DMD: variants seen among roughly 807,000 people sequenced by gnomAD.
DMD encodes mutant dystrophin.
A neutral mutation model predicts 330.1 loss-of-function variants in DMD; 63 were observed. The ratio of observed to expected loss-of-function variants is 0.19; its 90% confidence interval spans 0.16 to 0.24. DMD has a LOEUF of 0.24. DMD is among the 10% of genes least tolerant of loss of function. The pLI is 1.00. For synonymous variants in DMD, 1,223 were observed against 959.8 expected (o/e 1.27, Z -5.07); for missense variants, 3,344 against 2,684.1 (o/e 1.25, Z -5.43).
At chrX:32,745,170 G>A (rs1006302724) in intron 7 of DMD, among the ~76,000 whole-genome samples, 1 of 112,074 alleles carries the variant, frequency 8.9e-6, no homozygotes, top group Admixed American at 9.5e-5. Flanking sequence ...TAATTGGCAA[G>A]AAAGCCAGAG....
At chrX:31,645,120 G>A (rs1438883852) in intron 54 of DMD, among the ~76,000 whole-genome samples, 3 of 111,848 alleles carry the variant, frequency 2.7e-5, no homozygotes, top group Admixed American at 9.5e-5. Context: ...AAAGAAAAAC[G>A]TTATTAGCAG....
chrX:32,832,556 T>C (rs2079238827), intron 4 of DMD, among the ~76,000 whole-genome samples: 1 of 111,564 alleles, frequency 9.0e-6, no homozygotes, highest in African/African-American at 3.2e-5. Flanking sequence ...TGCCATCATG[T>C]AGCCAAGCTA....
At chrX:32,707,834 A>C (rs1052734281) in intron 7 of DMD, among the ~76,000 whole-genome samples, 1 of 111,919 alleles carries the variant, frequency 8.9e-6, no homozygotes, top group Non-Finnish European at 1.9e-5. Context: ...GTACTTTCTT[A>C]CAATTCTCTC....
At chrX:33,175,678 C>A (rs1159599011) in intron 1 of DMD, among the ~76,000 whole-genome samples, 2 of 111,560 alleles carry the variant, frequency 1.8e-5, no homozygotes, top group Non-Finnish European at 3.8e-5. Context: ...TGTGGCTTAG[C>A]CTCTTAATAG....
intron 9 of DMD, among the ~76,000 whole-genome samples, chrX:32,659,004 T>C (rs1300700385): frequency 8.9e-6 from 1 of 112,073 alleles, no homozygotes; most frequent in South Asian, 3.7e-4. Context: ...AGCGATTGTA[T>C]TGACATTCAG....
At chrX:31,699,962 C>T (rs1010905467) in intron 52 of DMD, among the ~76,000 whole-genome samples, 6 of 110,894 alleles carry the variant, frequency 5.4e-5, no homozygotes, top group Non-Finnish European at 7.6e-5. Flanking sequence ...CCGAGGTGAA[C>T]GGATCATGAG....
chrX:32,155,152 C>G (rs1188187845), intron 44 of DMD, among the ~76,000 whole-genome samples: 1 of 110,173 alleles, frequency 9.1e-6, no homozygotes, highest in African/African-American at 3.3e-5. Context: ...CTTTGATTCC[C>G]AGCTTTTTAT....
intron 44 of DMD, chrX:32,155,592 C>T (rs2096826468): frequency 5.2e-6 from 1 of 193,854 alleles, no homozygotes. Flanking sequence ...TTTCACTCCA[C>T]ACACAGTCTG....
At chrX:32,764,097 G>GTT (rs367686108) in intron 7 of DMD, among the ~76,000 whole-genome samples, 2 of 102,843 alleles carry the variant, frequency 1.9e-5, no homozygotes, top group African/African-American at 7.0e-5. Context: ...TTAAGTTGAG[G>GTT]TTTTTTTTTT....
At chrX:31,287,426 T>C (rs1396533631) in intron 62 of DMD, among the ~76,000 whole-genome samples, 3 of 112,661 alleles carry the variant, frequency 2.7e-5, no homozygotes, top group East Asian at 5.6e-4. Context: ...GCAGGCACTT[T>C]GTATAAATAC....
intron 2 of DMD, among the ~76,000 whole-genome samples, chrX:32,908,284 G>A (rs1306849651): frequency 9.0e-6 from 1 of 111,699 alleles, no homozygotes; most frequent in Non-Finnish European, 1.9e-5. Context: ...GCAGAGCACA[G>A]CTGCATATTA....
intron 42 of DMD, among the ~76,000 whole-genome samples, chrX:32,308,781 A>C (rs2097550046): frequency 9.0e-6 from 1 of 110,715 alleles, no homozygotes; most frequent in Non-Finnish European, 1.9e-5. Flanking sequence ...GGGCAACTTA[A>C]TAAGATCAGG....
At chrX:32,826,569 C>T (rs963310359) in intron 4 of DMD, among the ~76,000 whole-genome samples, 9 of 111,238 alleles carry the variant, frequency 8.1e-5, no homozygotes, top group African/African-American at 2.9e-4. Context: ...ATCTAGAGTA[C>T]GTTACGTCAA....
chrX:31,766,013 A>G lies in DMD; in HGVS notation c.7542+7947T>C, dbSNP rs2089969706. Among the ~76,000 whole-genome samples, 6 of 111,483 alleles carry G rather than the reference A, an allele frequency of 5.4e-5. No individual in the cohort carries two copies. In the South Asian group the frequency reaches 2.2e-3, roughly 42 times the overall value. ...TACATCATAACACACTGTAACTTCA[A>G]TTACAGACTTTAAGGACCAAAAGTT... On this transcript the variant is annotated intron_variant, in intron 51 of 78. Coordinates refer to ENST00000357033, the MANE Select transcript of DMD (RefSeq NM_004006.3).
intron 7 of DMD, among the ~76,000 whole-genome samples, chrX:32,808,030 A>G (rs1423900426): frequency 1.8e-5 from 2 of 111,756 alleles, no homozygotes; most frequent in Non-Finnish European, 3.8e-5. Context: ...CCGTATTTTC[A>G]TTATGTCTGC....
intron 43 of DMD, among the ~76,000 whole-genome samples, chrX:32,266,116 AG>A (rs1462357552): frequency 8.9e-6 from 1 of 111,927 alleles, no homozygotes; most frequent in Non-Finnish European, 1.9e-5. Flanking sequence ...TGAGGGACCC[AG>A]TTGGAGGTAA....
chrX:33,318,045 T>G (rs923963158), intron 1 of DMD, among the ~76,000 whole-genome samples: 1 of 111,559 alleles, frequency 9.0e-6, no homozygotes, highest in African/African-American at 3.3e-5. Flanking sequence ...TTGGGCTTAC[T>G]GTGCTGATTA....
chrX:32,325,936 A>G (rs2097648679), intron 41 of DMD, among the ~76,000 whole-genome samples: 2 of 110,853 alleles, frequency 1.8e-5, no homozygotes, highest in South Asian at 7.6e-4. Flanking sequence ...AAGTATCACT[A>G]ATGAGAAAAA....
At chrX:31,166,182 C>G (rs1313345698) in intron 74 of DMD, among the ~76,000 whole-genome samples, 1 of 111,890 alleles carries the variant, frequency 8.9e-6, no homozygotes, top group African/African-American at 3.2e-5. Context: ...ATGCATTCAA[C>G]AAATATTTAT....
Sources: gnomAD v4.1 joint callset for allele counts (sites outside exome capture counted in the v4.1 genomes callset) on GRCh38, gnomAD v4.1.1 for gene constraint, MANE v1.5 for transcripts, NCBI Gene and HGNC (gene_info 2026-07-23, HGNC 2026-07-21) for gene names.